Variants in FGFR3 observed in about 807,000 individuals in gnomAD.
FGFR3 encodes fibroblast growth factor receptor 3.
In FGFR3, 25 loss-of-function variants were observed where a neutral mutation model predicts 82.9. The observed-to-expected ratio is 0.30, with a 90% CI of 0.22 to 0.42. FGFR3 has a LOEUF of 0.42. Among genes scored for constraint, FGFR3 ranks in the 10% least tolerant of loss-of-function variants. The probability of loss-of-function intolerance (pLI) is 1.00; values close to 1 mark genes in which losing one functional copy is unlikely to be tolerated. For synonymous variants in FGFR3, 620 were observed against 516.0 expected, an observed-to-expected ratio of 1.20 and a Z score of -2.73; for missense variants, 1,026 against 1,161.0, an observed-to-expected ratio of 0.88 and a Z score of 1.69.
intron 2 of FGFR3, among the ~76,000 whole-genome samples, chr4:1,798,848 C>A (rs932160965): frequency 6.6e-6 from 1 of 152,128 alleles, no homozygotes; most frequent in African/African-American, 2.4e-5. Context: ...CAGCACCTGC[C>A]CGTCGTGGTG....
chr4:1,801,140 G>A (rs539349390), intron 4 of FGFR3, among the ~76,000 whole-genome samples: 16 of 152,214 alleles, frequency 1.1e-4, no homozygotes, highest in Admixed American at 2.0e-4. Context: ...ACAGGTCCGG[G>A]CAGAGCACCC....
chr4:1,804,289 G>GC (rs771000461), intron 8 of FGFR3, 41 bp from the exon 9 acceptor site: 10 of 1,550,704 alleles, frequency 6.4e-6, no homozygotes, highest in African/African-American at 2.7e-5. Flanking sequence ...GCCCCGTGGG[G>GC]GGGGGGGCCA....
At position 1,794,557 on chromosome 4, in the gene FGFR3, C is replaced by T. The variant is rs17883231; in HGVS notation, c.109+514C>T. Among the ~76,000 whole-genome samples, 73 of 152,290 alleles carry T rather than the reference C, an allele frequency of 4.8e-4. 1 individual carries two copies. In the East Asian group the frequency reaches 0.013, roughly 27 times the overall value. On this transcript the variant is annotated intron_variant, in intron 2 of 17. Coordinates refer to ENST00000440486, the MANE Select transcript of FGFR3 (RefSeq NM_000142.5). ...CAGCCTCCAGCGTCCCCGCTGCCGA[C>T]CCTGCCCCTGCCTGGGGGCCGAGGG...
At chr4:1,801,568 A>C in intron 5 of FGFR3, 32 bp downstream of exon 5, 1 of 1,578,362 alleles carries the variant, frequency 6.3e-7, no homozygotes. Context: ...TGGGCCTGGC[A>C]GGCGCGGTGG....
At position 1,806,854 on chromosome 4, in the gene FGFR3, C is replaced by T. The variant is rs2108814268; in HGVS notation, c.2194C>T (p.His732Tyr). ...DLYMIMRECW[H>Y]AAPSQRPTFK... Reference sequence around the variant, plus strand: ...GTACATGATCATGCGGGAGTGCTGGCATGCCGCGCCCTCCCAGAGGCCCAC... The same window carrying T: ...GTACATGATCATGCGGGAGTGCTGGTATGCCGCGCCCTCCCAGAGGCCCAC... Residue 732 changes from histidine (H) to tyrosine (Y), a missense_variant, in exon 17 of 18, where the codon CAT (histidine) becomes TAT (tyrosine). Transcript: ENST00000440486. The T allele has an allele frequency of 6.2e-7, 1 of 1,610,642 alleles. No individual in the cohort carries two copies. The highest frequency in any genetic ancestry group is 8.5e-7 in the Non-Finnish European group (1 of 1,179,206).
chr4:1,801,704 T>C lies in FGFR3; in HGVS notation c.700T>C (p.Phe234Leu), dbSNP rs773302522. The change falls in exon 6 of 18, where the codon TTT (phenylalanine) becomes CTT (leucine). Residue 234 changes from phenylalanine (F) to leucine (L), a missense_variant. Coordinates refer to ENST00000440486, the MANE Select transcript of FGFR3 (RefSeq NM_000142.5). ...GNYTCVVENK[F>L]GSIRQTYTLD... is the part of the protein sequence containing the mutation. ...CTACACCTGCGTCGTGGAGAACAAGTTTGGCAGCATCCGGCAGACGTACAC... is the reference window on the plus strand; with the variant it reads ...CTACACCTGCGTCGTGGAGAACAAGCTTGGCAGCATCCGGCAGACGTACAC... 1.2e-5 allele frequency: 20 copies of C among 1,610,058 alleles called. No individual in the cohort carries two copies. The highest frequency in any genetic ancestry group is 1.6e-5 in the Non-Finnish European group (19 of 1,179,036).
rs915560091 is a variant in FGFR3 at position 1,800,543 on chromosome 4, G to A, written c.445+731G>A. 3.9e-5 allele frequency among the ~76,000 whole-genome samples: 6 copies of A among 152,192 alleles called. 1 individual carries two copies. The East Asian group carries it at 1.2e-3, about 29-fold the overall frequency. On this transcript the variant is annotated intron_variant, in intron 4 of 17. Transcript: ENST00000440486. ...CTGAGTCCATGAGAGAAACAGCTGG[G>A]GGAACTCACCCTGGGGGTCTCCAGG...
intron 7 of FGFR3, among the ~76,000 whole-genome samples, chr4:1,802,681 G>T (rs1467785724): frequency 6.6e-6 from 1 of 152,162 alleles, no homozygotes. Context: ...GGGAGGGCAG[G>T]CCAGTGACCA....
intron 2 of FGFR3, among the ~76,000 whole-genome samples, chr4:1,798,751 G>A (rs1009515621): frequency 5.3e-5 from 8 of 152,126 alleles, no homozygotes; most frequent in African/African-American, 1.2e-4. Flanking sequence ...TCTGCACCAC[G>A]AGGGGGCTGG....
At chr4:1,806,030 T>A (rs2108806104) in intron 13 of FGFR3, 21 bp from the exon 14 acceptor site, 2 of 1,613,034 alleles carry the variant, frequency 1.2e-6, no homozygotes, top group Non-Finnish European at 8.5e-7. Context: ...GCTTCAGCCC[T>A]GCCTCCCACC....
At chr4:1,804,738 C>G (rs1577286165) in intron 9 of FGFR3, 86 bp from the exon 10 acceptor site, 2 of 1,512,758 alleles carry the variant, frequency 1.3e-6, no homozygotes, top group Admixed American at 2.0e-5. Flanking sequence ...AGAACGCCCC[C>G]CCTTCTGGCC....
rs1280711189 is a variant in FGFR3, at chr4:1,799,824, G to A, written c.445+12G>A. 1.2e-6 allele frequency: 2 copies of A among 1,612,400 alleles called. No homozygotes were observed. The highest frequency in any genetic ancestry group is 1.7e-6 in the Non-Finnish European group (2 of 1,179,822). On this transcript the variant is annotated intron_variant, in intron 4 of 17. Coordinates refer to ENST00000440486, the MANE Select transcript of FGFR3 (RefSeq NM_000142.5). ...AGGTGTGGACACAGGTAGGAGCAGG[G>A]TCCAGGGTTCAGGCCAGCCGGGGTG...
rs142499367 is a variant in FGFR3 at position 1,807,546 on chromosome 4, G to A, written c.*284G>A. 1.4e-6 allele frequency: 1 copy of A among 712,674 alleles called. No homozygotes were observed. Among genetic ancestry groups the A allele is most frequent in the East Asian group, 2.7e-5 (1 of 37,512 alleles). 44.1% of individuals were successfully genotyped at this position (712,674 alleles called of 1,614,324 possible). A position where few individuals can be genotyped will look rare whatever the true frequency, so the allele number is the denominator to read the frequency against. On this transcript the variant is annotated 3_prime_UTR_variant, in exon 18 of 18. Transcript: ENST00000440486. ...GCACCGAGGGGCCTTTGTTCTGGGG[G>A]GACCCAGTGCAGAATGTAAGTGGGC...
intron 2 of FGFR3, among the ~76,000 whole-genome samples, chr4:1,798,950 G>C (rs551315317): frequency 3.9e-5 from 6 of 152,328 alleles, no homozygotes; most frequent in Admixed American, 1.3e-4. Flanking sequence ...TTTGAGATTT[G>C]AATTCTCCGT....
At chr4:1,800,164 G>A (rs1046240546) in intron 4 of FGFR3, among the ~76,000 whole-genome samples, 13 of 152,096 alleles carry the variant, frequency 8.5e-5, no homozygotes, top group African/African-American at 3.1e-4. Context: ...AGCAGGGCAG[G>A]GCACTCAGGT....
In FGFR3 at chr4:1,804,279, G is replaced by A. The variant is rs368603518; in HGVS notation, c.1076-51G>A. ...CTCTGGGCCAGGGGCATCCATGGGA[G>A]CCCCGTGGGGGGGGGGGCCAGGCCA... On this transcript the variant is annotated intron_variant, in intron 8 of 17. Transcript: ENST00000440486. 4.7e-4 allele frequency: 730 copies of A among 1,537,544 alleles called. 1 individual carries two copies. In the African/African-American group the frequency reaches 8.1e-3, roughly 17 times the overall value.
chr4:1,807,493 G>C lies in FGFR3; in HGVS notation c.*231G>C, dbSNP rs745496661. 1.4e-6 allele frequency: 1 copy of C among 729,902 alleles called. No homozygotes were observed. The highest frequency in any genetic ancestry group is 1.5e-5 in the South Asian group (1 of 67,866). 45.2% of individuals were successfully genotyped at this position (729,902 alleles called of 1,614,324 possible). On this transcript the variant is annotated 3_prime_UTR_variant, in exon 18 of 18. Transcript: ENST00000440486. The stretch of plus-strand genomic sequence containing the variant: ...AGGTACCCTGGGTGTCCCCGCTGCT[G>C]TGCAACGGTCTCCTGACTGGTGCTG...
chr4:1,804,137 C>T (rs374987131), intron 8 of FGFR3, among the ~76,000 whole-genome samples, 193 bp from the exon 9 acceptor site: 5 of 152,228 alleles, frequency 3.3e-5, no homozygotes, highest in South Asian at 2.1e-4. Context: ...CTCTGCTGGG[C>T]TCCTTCTCTC....
chr4:1,805,820 C>A lies in FGFR3; in HGVS notation c.1716C>A (p.Pro572=), dbSNP rs1166430861. The A allele has an allele frequency of 6.2e-6, 10 of 1,612,298 alleles. No individual in the cohort carries two copies. In the Admixed American group the frequency reaches 1.3e-4, roughly 21 times the overall value. The part of the protein sequence containing the change: ...NLREFLRARR[P]PGLDYSFDTC... ...GGGAGTTTCTGCGGGCGCGGCGGCC[C>A]CCGGGCCTGGACTACTCCTTCGACA... Residue 572 remains proline, a synonymous_variant, in exon 13 of 18, where the codon CCC becomes CCA. Coordinates refer to ENST00000440486, the MANE Select transcript of FGFR3 (RefSeq NM_000142.5).
Sources: allele counts gnomAD v4.1 joint callset (sites outside exome capture counted in the v4.1 genomes callset), GRCh38; gene constraint gnomAD v4.1.1; transcripts MANE v1.5; gene names NCBI Gene and HGNC (gene_info 2026-07-23, HGNC 2026-07-21).